Variants in FAP observed in about 807,000 individuals in gnomAD.
The protein encoded by FAP is fibroblast activation protein alpha, also known as prolyl endopeptidase FAP.
FAP carries 110 observed loss-of-function variants against 126.5 expected under a neutral mutation model. That is an observed-to-expected ratio of 0.87 (90% CI 0.74 to 1.02). The LOEUF is 1.02. FAP is among the 50% of genes least tolerant of loss of function. FAP has a pLI of 0.00. For missense variants in FAP, 919 were observed against 909.2 expected, an observed-to-expected ratio of 1.01 and a Z score of -0.14; for synonymous variants, 334 against 297.3, an observed-to-expected ratio of 1.12 and a Z score of -1.27.
At chr2:162,181,082 C>T (rs984535190) in intron 21 of FAP, among the ~76,000 whole-genome samples, 1 of 152,020 alleles carries the variant, frequency 6.6e-6, no homozygotes, top group African/African-American at 2.4e-5. Context: ...TGAGACCAGC[C>T]TGGGCAACAT....
At chr2:162,184,985 A>T (rs987307494) in intron 20 of FAP, among the ~76,000 whole-genome samples, 3 of 152,192 alleles carry the variant, frequency 2.0e-5, no homozygotes, top group African/African-American at 7.2e-5. Flanking sequence ...ATGATAGTGC[A>T]ATAGTTAACA....
At chr2:162,179,774 CTATCTATCTATCTATCTA>C (rs1475386862) in intron 21 of FAP, among the ~76,000 whole-genome samples, 1 of 70,024 alleles carries the variant, frequency 1.4e-5, no homozygotes, top group Non-Finnish European at 3.0e-5. Flanking sequence ...ATCTATCTAT[CTATCTATCTATCTATCTA>C]TATATATATA....
chr2:162,200,626 A>G lies in FAP; in HGVS notation c.1224-7T>C. Reference sequence around the variant, plus strand: ...TTCATTGCTAGAATAAAACCTGAAAATATATTCAGAAATTATTAAGTATTG... The same window carrying G: ...TTCATTGCTAGAATAAAACCTGAAAGTATATTCAGAAATTATTAAGTATTG... On this transcript the variant is annotated splice_polypyrimidine_tract_variant and splice_region_variant and intron_variant, in intron 14 of 25. Transcript: ENST00000188790. The G allele has an allele frequency of 1.5e-6, 2 of 1,293,868 alleles. No individual in the cohort carries two copies. The highest frequency in any genetic ancestry group is 4.7e-5 in the East Asian group (2 of 42,256). 80.1% of individuals were successfully genotyped at this position (1,293,868 alleles called of 1,614,324 possible). A position where few individuals can be genotyped will look rare whatever the true frequency, so the allele number is the denominator to read the frequency against.
intron 2 of FAP, among the ~76,000 whole-genome samples, chr2:162,234,894 C>T (rs374253009): frequency 6.6e-6 from 1 of 152,066 alleles, no homozygotes. Flanking sequence ...CTGCACCCCA[C>T]GCTTGCCGGC....
chr2:162,237,610 A>G (rs1042538057), intron 2 of FAP, among the ~76,000 whole-genome samples: 1 of 152,220 alleles, frequency 6.6e-6, no homozygotes, highest in Admixed American at 6.5e-5. Flanking sequence ...ATTGATGGGC[A>G]TTTGGGTTGG....
At chr2:162,216,739 G>A (rs1360424265) in intron 9 of FAP, among the ~76,000 whole-genome samples, 1 of 152,176 alleles carries the variant, frequency 6.6e-6, no homozygotes, top group African/African-American at 2.4e-5. Flanking sequence ...AGTATGTAAT[G>A]ACTCAGTGCT....
intron 2 of FAP, among the ~76,000 whole-genome samples, chr2:162,238,417 C>T (rs1420055270): frequency 1.3e-5 from 2 of 152,150 alleles, no homozygotes. Flanking sequence ...GAGAATCATA[C>T]AAAGATTTGG....
At chr2:162,182,395 A>G (rs188840221) in intron 21 of FAP, among the ~76,000 whole-genome samples, 2 of 152,358 alleles carry the variant, frequency 1.3e-5, no homozygotes, top group East Asian at 1.9e-4. Flanking sequence ...ATATTTCACT[A>G]TAGAAATATT....
At chr2:162,177,643 C>T (rs61375489) in intron 21 of FAP, among the ~76,000 whole-genome samples, 9,604 of 152,164 alleles carry the variant, frequency 0.063, 1,007 homozygotes, top group African/African-American at 0.22. Flanking sequence ...TTGCACCATT[C>T]CTCTTTCTTG....
intron 2 of FAP, among the ~76,000 whole-genome samples, chr2:162,240,280 A>G (rs760198070): frequency 6.6e-6 from 1 of 152,226 alleles, no homozygotes; most frequent in Non-Finnish European, 1.5e-5. Context: ...ATATTTTGTA[A>G]GTGAGCTAAA....
chr2:162,205,790 G>C (rs545660102), intron 12 of FAP, among the ~76,000 whole-genome samples: 6 of 152,184 alleles, frequency 3.9e-5, no homozygotes, highest in African/African-American at 1.2e-4. Context: ...TAGGATTAAG[G>C]TGTGAGCCAC....
intron 2 of FAP, among the ~76,000 whole-genome samples, chr2:162,241,526 C>A (rs552368392): frequency 6.6e-6 from 1 of 152,138 alleles, no homozygotes; most frequent in African/African-American, 2.4e-5. Flanking sequence ...ATAAAATTAA[C>A]AAACTTTTGT....
At chr2:162,218,489 T>C (rs1689245534) in intron 8 of FAP, among the ~76,000 whole-genome samples, 2 of 151,922 alleles carry the variant, frequency 1.3e-5, no homozygotes, top group Admixed American at 1.3e-4. Flanking sequence ...ATAATTGTAC[T>C]AGAGAGTGAC....
chr2:162,236,730 C>T (rs997451156), intron 2 of FAP, among the ~76,000 whole-genome samples: 7 of 152,120 alleles, frequency 4.6e-5, no homozygotes, highest in Admixed American at 1.3e-4. Flanking sequence ...GCCTCAGCCT[C>T]CTGAGTAGCA....
Position 162,219,067 on chromosome 2 carries a change from A to G in FAP, c.603T>C (p.Tyr201=). ...TAGAAAAGGAATACAGCTTACCTTC[A>G]TAAACCCAGTCTGGGATTCCATTAA... is the stretch of plus-strand genomic sequence containing the variant. ...KIFNGIPDWV[Y]EEEMLATKYA... Residue 201 remains tyrosine (Y), a synonymous_variant, in exon 8 of 26, where the codon TAT becomes TAC. Transcript: ENST00000188790. The G allele has an allele frequency of 6.2e-7, 1 of 1,601,638 alleles. No homozygotes were observed. The highest frequency in any genetic ancestry group is 8.5e-7 in the Non-Finnish European group (1 of 1,173,694).
At chr2:162,201,426 C>A (rs1410470168) in intron 14 of FAP, among the ~76,000 whole-genome samples, 1 of 152,114 alleles carries the variant, frequency 6.6e-6, no homozygotes, top group Non-Finnish European at 1.5e-5. Context: ...AAACTAACAC[C>A]TTTCTATGCA....
At chr2:162,239,617 C>T (rs1690269494) in intron 2 of FAP, among the ~76,000 whole-genome samples, 2 of 152,068 alleles carry the variant, frequency 1.3e-5, no homozygotes, top group South Asian at 4.1e-4. Flanking sequence ...GGAATAGTTG[C>T]TATTGTTGAG....
intron 16 of FAP, among the ~76,000 whole-genome samples, chr2:162,197,318 G>T (rs1436801075): frequency 6.6e-6 from 1 of 152,204 alleles, no homozygotes; most frequent in Non-Finnish European, 1.5e-5. Context: ...AGGAGAAAAA[G>T]ATAGATAAAC....
Position 162,189,645 on chromosome 2 carries a change from A to T in FAP, c.1549+11T>A. On this transcript the variant is annotated intron_variant, in intron 18 of 25. Coordinates refer to ENST00000188790, the MANE Select transcript of FAP (RefSeq NM_004460.5). The stretch of plus-strand genomic sequence containing the variant: ...CATATCTATAAATGAGAAGTTTTTA[A>T]AAGATCTTACTAATTTCATCTACTT... The T allele has an allele frequency of 6.9e-7, 1 of 1,445,110 alleles. No homozygotes were observed. The highest frequency in any genetic ancestry group is 9.6e-7 in the Non-Finnish European group (1 of 1,043,394). 89.5% of individuals were successfully genotyped at this position (1,445,110 alleles called of 1,614,324 possible).
Sources: allele counts gnomAD v4.1 joint callset (sites outside exome capture counted in the v4.1 genomes callset), GRCh38; gene constraint gnomAD v4.1.1; transcripts MANE v1.5; gene names NCBI Gene and HGNC (gene_info 2026-07-23, HGNC 2026-07-21).